Variants in DMD observed in about 807,000 individuals in gnomAD.
DMD encodes mutant dystrophin.
Under a neutral mutation model 330.1 loss-of-function variants are expected in DMD, and 63 were observed. The ratio of observed to expected loss-of-function variants is 0.19; its 90% CI spans 0.16 to 0.24. The LOEUF is 0.24. Ranked by LOEUF, DMD falls within the 10% of genes least tolerant of loss-of-function variation. DMD has a pLI of 1.00. For synonymous variants in DMD, 1,223 were observed against 959.8 expected, an observed-to-expected ratio of 1.27 and a Z score of -5.07; for missense variants, 3,344 against 2,684.1, an observed-to-expected ratio of 1.25 and a Z score of -5.43.
chrX:31,509,394 C>A (rs2071263169), intron 55 of DMD, among the ~76,000 whole-genome samples: 1 of 111,808 alleles, frequency 8.9e-6, no homozygotes, highest in African/African-American at 3.3e-5. Context: ...CTTCACTTGT[C>A]TTTTACTTTA....
rs1479375416 is a variant in DMD at position 31,327,605 on chromosome X, T to C, written c.9164-3947A>G. 4.5e-5 allele frequency among the ~76,000 whole-genome samples: 5 copies of C among 111,859 alleles called. No individual in the cohort carries two copies. In the Admixed American group the frequency reaches 4.8e-4, roughly 11 times the overall value. The stretch of plus-strand genomic sequence containing the variant: ...TTCATCTCTCTACTTTTCTCATACT[T>C]GGTGGATTTGGAGTTTGATAACATA... On this transcript the variant is annotated intron_variant, in intron 61 of 78. Transcript: ENST00000357033.
Position 32,472,284 on chromosome X carries a change from G to C in DMD, c.2829C>G (p.Arg943=). The part of the protein sequence containing the change: ...QTIFDTLPPM[R]YQETMSAIRT... ...TGATGGCACTCATGGTCTCCTGATA[G>C]CGCATTGGTGGCAAAGTGTCAAAAA... The change falls in exon 22 of 79, where the codon CGC becomes CGG. Residue 943 remains arginine (R), a synonymous_variant. Coordinates refer to ENST00000357033, the MANE Select transcript of DMD (RefSeq NM_004006.3). 1.7e-6 allele frequency: 2 copies of C among 1,210,909 alleles called. No individual in the cohort carries two copies. Among genetic ancestry groups the C allele is most frequent in the East Asian group, 5.9e-5 (2 of 33,800 alleles).
chrX:33,086,624 G>A (rs2095010268), intron 1 of DMD, among the ~76,000 whole-genome samples: 1 of 110,290 alleles, frequency 9.1e-6, no homozygotes, highest in Admixed American at 9.8e-5. Flanking sequence ...TTCATGAATT[G>A]CTAATTAATA....
intron 44 of DMD, among the ~76,000 whole-genome samples, chrX:32,032,964 T>A (rs2095897512): frequency 8.9e-6 from 1 of 112,066 alleles, no homozygotes; most frequent in South Asian, 3.7e-4. Flanking sequence ...AGATTCACAA[T>A]AGCTAAGATG....
At chrX:32,363,195 C>A (rs1370578908) in intron 36 of DMD, among the ~76,000 whole-genome samples, 2 of 111,562 alleles carry the variant, frequency 1.8e-5, no homozygotes, top group Non-Finnish European at 3.8e-5. Flanking sequence ...AATAGATCAC[C>A]GTCCTTAAGT....
intron 42 of DMD, among the ~76,000 whole-genome samples, chrX:32,288,524 T>C (rs1394253909): frequency 9.0e-6 from 1 of 111,444 alleles, no homozygotes; most frequent in Non-Finnish European, 1.9e-5. Context: ...AATGGTCCTC[T>C]TGCTTCCGCT....
intron 1 of DMD, among the ~76,000 whole-genome samples, chrX:33,288,649 T>G (rs1002198941): frequency 9.0e-6 from 1 of 111,323 alleles, no homozygotes; most frequent in Non-Finnish European, 1.9e-5. Context: ...GCTCCACAGA[T>G]GCTGGCCTCT....
intron 1 of DMD, among the ~76,000 whole-genome samples, chrX:33,328,215 G>GT (rs1038331485): frequency 1.8e-5 from 2 of 111,177 alleles, no homozygotes; most frequent in African/African-American, 6.5e-5. Flanking sequence ...GTTTTCCTTT[G>GT]TTTTTTGAGA....
At chrX:31,899,130 A>T in intron 47 of DMD, among the ~76,000 whole-genome samples, 1 of 111,950 alleles carries the variant, frequency 8.9e-6, no homozygotes, top group Non-Finnish European at 1.9e-5. Context: ...CTTATATTCA[A>T]TTGCAGTGTG....
At chrX:32,881,583 T>A in intron 2 of DMD, among the ~76,000 whole-genome samples, 1 of 112,423 alleles carries the variant, frequency 8.9e-6, no homozygotes, top group Admixed American at 9.4e-5. Context: ...TTCACATCTT[T>A]GAAAAATTCA....
chrX:32,054,128 AG>A (rs1163618369), intron 44 of DMD, among the ~76,000 whole-genome samples: 34 of 100,496 alleles, frequency 3.4e-4, no homozygotes, highest in Admixed American at 6.7e-4. Context: ...AGAGAGAGAG[AG>A]AGAGAGAAGA....
At chrX:32,458,300 C>A (rs991585746) in intron 25 of DMD, among the ~76,000 whole-genome samples, 5 of 111,311 alleles carry the variant, frequency 4.5e-5, no homozygotes, top group African/African-American at 1.6e-4. Flanking sequence ...ATACTATCCT[C>A]CAAGTTCATC....
At chrX:31,695,423 C>T (rs1352361628) in intron 52 of DMD, among the ~76,000 whole-genome samples, 2 of 110,512 alleles carry the variant, frequency 1.8e-5, no homozygotes, top group African/African-American at 6.6e-5. Flanking sequence ...ACTAAAAGTA[C>T]AATTACATTG....
chrX:31,530,647 C>CTTTTTTTTTTTTTTTTTTTTTTTTTTTTT (rs1192286078), intron 55 of DMD, among the ~76,000 whole-genome samples: 15 of 49,828 alleles, frequency 3.0e-4, no homozygotes, highest in Non-Finnish European at 3.6e-4. Context: ...ACTGGTTTCT[C>CTTTTTTTTTTTTTTTTTTTTTTTTTTTTT]TTTTTTTTTT....
At chrX:31,839,216 A>G (rs1179385110) in intron 48 of DMD, among the ~76,000 whole-genome samples, 2 of 112,051 alleles carry the variant, frequency 1.8e-5, no homozygotes, top group African/African-American at 6.5e-5. Flanking sequence ...CCTTCAAAAC[A>G]CATCACAATT....
intron 52 of DMD, among the ~76,000 whole-genome samples, chrX:31,724,658 C>G (rs2085870960): frequency 8.9e-6 from 1 of 111,951 alleles, no homozygotes; most frequent in South Asian, 3.7e-4. Context: ...ATTATACACC[C>G]TTCATATTCT....
intron 43 of DMD, among the ~76,000 whole-genome samples, chrX:32,269,003 C>T (rs760452418): frequency 1.3e-4 from 14 of 108,879 alleles, no homozygotes; most frequent in Non-Finnish European, 2.1e-4. Flanking sequence ...TTGGTCACAG[C>T]CAATACCAGG....
intron 41 of DMD, among the ~76,000 whole-genome samples, chrX:32,340,228 C>T (rs936444015): frequency 7.2e-5 from 8 of 111,539 alleles, no homozygotes; most frequent in African/African-American, 2.6e-4. Context: ...ATTGATTATT[C>T]TTCATACAGA....
chrX:32,433,940 C>T (rs1187039104), intron 29 of DMD, among the ~76,000 whole-genome samples: 1 of 111,726 alleles, frequency 9.0e-6, no homozygotes, highest in Non-Finnish European at 1.9e-5. Flanking sequence ...GGTTTGCTAA[C>T]CATCTTTCAA....
Sources: allele counts gnomAD v4.1 joint callset (sites outside exome capture counted in the v4.1 genomes callset), GRCh38; gene constraint gnomAD v4.1.1; transcripts MANE v1.5; gene names NCBI Gene and HGNC (gene_info 2026-07-23, HGNC 2026-07-21).